DYNC2I1: variants seen among roughly 807,000 people sequenced by gnomAD.
DYNC2I1 encodes the protein cytoplasmic dynein 2 intermediate chain 1.
A neutral mutation model predicts 133.4 loss-of-function variants in DYNC2I1; 89 were observed. The observed-to-expected ratio is 0.67, with a 90% CI of 0.56 to 0.80. The LOEUF is 0.80. DYNC2I1 is among the 30% of genes least tolerant of loss of function. DYNC2I1 has a pLI of 0.00. For synonymous variants in DYNC2I1, 504 were observed against 484.3 expected (o/e 1.04, Z -0.54); for missense variants, 1,291 against 1,314.5 (o/e 0.98, Z 0.28).
chr7:158,840,877 C>T, the DYNC2I1 span, among the ~76,000 whole-genome samples: 9 of 152,208 alleles, frequency 5.9e-5, no homozygotes, highest in South Asian at 2.1e-4. Flanking sequence ...TCAGGAACCA[C>T]GGCCAGCCCA....
intron 24 of DYNC2I1, among the ~76,000 whole-genome samples, chr7:158,942,815 A>G (rs555952142): frequency 1.3e-5 from 2 of 152,354 alleles, no homozygotes; most frequent in African/African-American, 2.4e-5. Flanking sequence ...GCAGACCAGT[A>G]TGGCTGGGGC....
intron 3 of DYNC2I1, 72 bp downstream of exon 3, chr7:158,871,634 C>A (rs1440341923): frequency 7.0e-7 from 1 of 1,420,816 alleles, no homozygotes; most frequent in Non-Finnish European, 9.3e-7. Context: ...GTTGATAGCT[C>A]GCTGCCTCCC....
upstream of DYNC2I1, among the ~76,000 whole-genome samples, chr7:158,851,618 A>G (rs1841062617): frequency 6.6e-6 from 1 of 152,228 alleles, no homozygotes; most frequent in Non-Finnish European, 1.5e-5. Flanking sequence ...ACTTTATGCA[A>G]ATCATCAGGC....
At chr7:158,852,373 G>C (rs1427673895), upstream of DYNC2I1, among the ~76,000 whole-genome samples, 1 of 151,740 alleles carries the variant, frequency 6.6e-6, no homozygotes, top group Non-Finnish European at 1.5e-5. Context: ...GCCCGCCTTG[G>C]CCTCTCAAAG....
chr7:158,841,928 G>A, the DYNC2I1 span, among the ~76,000 whole-genome samples: 2 of 152,360 alleles, frequency 1.3e-5, no homozygotes. Context: ...ATGGGAGCTT[G>A]TGACTGCCGG....
chr7:158,938,561 A>C (rs1400833925), intron 23 of DYNC2I1, among the ~76,000 whole-genome samples: 1 of 152,210 alleles, frequency 6.6e-6, no homozygotes, highest in African/African-American at 2.4e-5. Context: ...GTTCGAGACC[A>C]GCCTGGCCAA....
At chr7:158,951,311 G>C (rs1053357418) in intron 4 of DYNC2I1, among the ~76,000 whole-genome samples, 1 of 152,218 alleles carries the variant, frequency 6.6e-6, no homozygotes, top group Non-Finnish European at 1.5e-5. Context: ...CTACTTGGCA[G>C]GGACCCTGCC....
the DYNC2I1 span, among the ~76,000 whole-genome samples, chr7:158,840,713 G>T: frequency 3.3e-5 from 5 of 152,224 alleles, no homozygotes; most frequent in East Asian, 7.7e-4. Flanking sequence ...TCAGATATGG[G>T]CCCCAGTGGG....
At chr7:158,875,252 G>C (rs1001178018) in intron 3 of DYNC2I1, among the ~76,000 whole-genome samples, 1 of 151,884 alleles carries the variant, frequency 6.6e-6, no homozygotes, top group Non-Finnish European at 1.5e-5. Context: ...ACGCCACGAC[G>C]CCCGGCTAAT....
At chr7:158,859,115 C>T (rs1414837504) in intron 1 of DYNC2I1, among the ~76,000 whole-genome samples, 2 of 149,160 alleles carry the variant, frequency 1.3e-5, no homozygotes, top group East Asian at 2.0e-4. Flanking sequence ...CTTGCCTTGG[C>T]TTCCCAAAGT....
At chr7:158,853,530 G>A (rs1301289906), upstream of DYNC2I1, among the ~76,000 whole-genome samples, 2 of 152,096 alleles carry the variant, frequency 1.3e-5, no homozygotes, top group Admixed American at 1.3e-4. Flanking sequence ...TTTATGAGCT[G>A]GACTTGTAAC....
intron 11 of DYNC2I1, among the ~76,000 whole-genome samples, chr7:158,909,314 G>C (rs1264994542): frequency 8.9e-6 from 1 of 112,740 alleles, no homozygotes; most frequent in Non-Finnish European, 1.6e-5. Flanking sequence ...CTGGGCGACA[G>C]AGCAAGACTC....
downstream of DYNC2I1, among the ~76,000 whole-genome samples, chr7:158,950,217 C>T (rs907890226): frequency 1.3e-5 from 2 of 152,216 alleles, no homozygotes; most frequent in African/African-American, 4.8e-5. Flanking sequence ...GTGTGCACCA[C>T]CACACTCGGC....
upstream of DYNC2I1, among the ~76,000 whole-genome samples, chr7:158,853,913 A>G (rs1463631859): frequency 6.6e-6 from 1 of 152,100 alleles, no homozygotes; most frequent in Non-Finnish European, 1.5e-5. Context: ...TCAGCCTCCC[A>G]AAGTGCTGGG....
At position 158,934,569 on chromosome 7, in the gene DYNC2I1, A is replaced by C; in HGVS notation, c.2778+20A>C. On this transcript the variant is annotated intron_variant, in intron 23 of 24. Transcript: ENST00000407559. ...TTTTTGGTAAGAAAGTTTGTTTTTC[A>C]GAGCTCCAATTCTTCTTTTTTTGTT... 6.5e-7 allele frequency: 1 copy of C among 1,549,482 alleles called. No individual in the cohort carries two copies. Among genetic ancestry groups the C allele is most frequent in the Non-Finnish European group, 8.7e-7 (1 of 1,146,090 alleles).
At chr7:158,882,886 A>AG (rs1020985367) in intron 5 of DYNC2I1, among the ~76,000 whole-genome samples, 6 of 152,008 alleles carry the variant, frequency 3.9e-5, no homozygotes, top group African/African-American at 1.4e-4. Flanking sequence ...AAAAAAAAAA[A>AG]AAAAAGGAAA....
At chr7:158,930,308 G>T in intron 20 of DYNC2I1, 147 bp from the exon 21 acceptor site, 1 of 751,006 alleles carries the variant, frequency 1.3e-6, no homozygotes, top group South Asian at 1.5e-5. Context: ...CCCAGAGGAA[G>T]GGAGGGATGC....
the DYNC2I1 span, among the ~76,000 whole-genome samples, chr7:158,842,267 T>C: frequency 1.8e-4 from 28 of 152,228 alleles, no homozygotes; most frequent in Admixed American, 7.8e-4. Flanking sequence ...GACCTTGTGA[T>C]CCACCTGCCT....
chr7:158,852,483 G>A (rs62475639), upstream of DYNC2I1, among the ~76,000 whole-genome samples: 16,289 of 151,628 alleles, frequency 0.11, 1,371 homozygotes, highest in African/African-American at 0.23. Flanking sequence ...GCTCACGCCT[G>A]TAATCCTAGC....
Sources: allele counts gnomAD v4.1 joint callset (sites outside exome capture counted in the v4.1 genomes callset), GRCh38; gene constraint gnomAD v4.1.1; transcripts MANE v1.5; gene names NCBI Gene and HGNC (gene_info 2026-07-23, HGNC 2026-07-21).